The following MAGI2 variants were observed in gnomAD, a reference collection of about 807,000 sequenced individuals.
MAGI2 encodes membrane-associated guanylate kinase, WW and PDZ domain-containing protein 2.
In MAGI2, 35 loss-of-function variants were observed where a neutral mutation model predicts 133.3. The observed-to-expected ratio is 0.26, with a 90% confidence interval of 0.20 to 0.35. The LOEUF (loss-of-function observed/expected upper bound fraction) is 0.35, where lower values mean the gene tolerates loss of function less well. Ranked by LOEUF, MAGI2 falls within the 10% of genes least tolerant of loss-of-function variation. The pLI is 1.00. For missense variants in MAGI2, 1,636 were observed against 1,863.4 expected (o/e 0.88, Z 2.25); for synonymous variants, 729 against 710.6 (o/e 1.03, Z -0.41).
chr7:78,179,332 A>G (rs560986157), intron 13 of MAGI2, among the ~76,000 whole-genome samples: 109 of 152,342 alleles, frequency 7.2e-4, no homozygotes, highest in African/African-American at 2.5e-3. Flanking sequence ...ATTATACAGT[A>G]GCACTCGTTG....
chr7:78,759,553 G>A (rs2151295951), intron 2 of MAGI2, among the ~76,000 whole-genome samples: 1 of 152,160 alleles, frequency 6.6e-6, no homozygotes, highest in Middle Eastern at 3.4e-3. Flanking sequence ...TGTTAAAATG[G>A]CAAATTTAAT....
intron 5 of MAGI2, among the ~76,000 whole-genome samples, chr7:78,492,223 A>G (rs1793689189): frequency 6.6e-6 from 1 of 152,094 alleles, no homozygotes; most frequent in South Asian, 2.1e-4. Context: ...GAGTTTATAT[A>G]AAGCATTTCA....
chr7:78,470,523 G>A (rs1372529912), intron 6 of MAGI2, among the ~76,000 whole-genome samples: 1 of 152,060 alleles, frequency 6.6e-6, no homozygotes, highest in East Asian at 1.9e-4. Flanking sequence ...ATGGAGTAAA[G>A]CTAATATAAT....
At position 78,373,645 on chromosome 7, in the gene MAGI2, T is replaced by A. The variant is rs138972720; in HGVS notation, c.1046-4432A>T. 7.0e-3 allele frequency among the ~76,000 whole-genome samples: 1,072 copies of A among 152,246 alleles called. 3 individuals carry two copies. Among genetic ancestry groups the A allele is most frequent in the Middle Eastern group, 0.027 (8 of 294 alleles). On this transcript the variant is annotated intron_variant, in intron 6 of 21. Transcript: ENST00000354212. ...GTGGGGTGCATGTGCAGGTGTCTTA[T>A]CTGGGTATATTTCATGATGCTGAGG...
intron 1 of MAGI2, among the ~76,000 whole-genome samples, chr7:79,140,968 A>C (rs1475823947): frequency 6.6e-6 from 1 of 152,180 alleles, no homozygotes; most frequent in Non-Finnish European, 1.5e-5. Flanking sequence ...TAGTGCCTTA[A>C]TCAGTTTCTA....
intron 1 of MAGI2, among the ~76,000 whole-genome samples, chr7:79,298,500 T>C (rs1203995440): frequency 6.6e-6 from 1 of 152,178 alleles, no homozygotes; most frequent in African/African-American, 2.4e-5. Context: ...TAATTTATTA[T>C]AAGAAAAACA....
At chr7:78,915,707 G>T (rs1480715487) in intron 2 of MAGI2, among the ~76,000 whole-genome samples, 2 of 151,004 alleles carry the variant, frequency 1.3e-5, no homozygotes, top group African/African-American at 2.4e-5. Flanking sequence ...TCTCTTCATG[G>T]TTTCATCTTT....
chr7:78,149,564 A>G (rs1823660215), intron 16 of MAGI2, among the ~76,000 whole-genome samples: 1 of 152,196 alleles, frequency 6.6e-6, no homozygotes, highest in South Asian at 2.1e-4. Flanking sequence ...GCTATTTTTC[A>G]TCTTGCTGTT....
At chr7:79,084,126 A>C (rs1816283882) in intron 1 of MAGI2, among the ~76,000 whole-genome samples, 1 of 151,408 alleles carries the variant, frequency 6.6e-6, no homozygotes, top group Non-Finnish European at 1.5e-5. Flanking sequence ...CTTGATCTCT[A>C]TTGTTTTTCT....
intron 2 of MAGI2, among the ~76,000 whole-genome samples, chr7:78,889,234 A>C (rs1248355008): frequency 6.6e-6 from 1 of 152,244 alleles, no homozygotes; most frequent in Non-Finnish European, 1.5e-5. Context: ...CTATGTGAGA[A>C]GACCAAATCT....
At chr7:79,324,408 A>C in intron 1 of MAGI2, among the ~76,000 whole-genome samples, 1 of 142,964 alleles carries the variant, frequency 7.0e-6, no homozygotes, top group African/African-American at 2.5e-5. Flanking sequence ...ATATACACAC[A>C]ACGTATCTAT....
chr7:78,134,156 C>CA (rs1422828707), intron 17 of MAGI2: 3 of 152,204 alleles, frequency 2.0e-5, no homozygotes, highest in Non-Finnish European at 2.9e-5. Flanking sequence ...CTTGGGGGGA[C>CA]AAAACCACCC....
intron 1 of MAGI2, among the ~76,000 whole-genome samples, chr7:79,380,036 T>TAAAAACCCTAGAA (rs1843672553): frequency 1.3e-5 from 2 of 151,652 alleles, no homozygotes; most frequent in South Asian, 4.2e-4. Flanking sequence ...CCTAAAACCA[T>TAAAAACCCTAGAA]AAAAACCCTA....
At chr7:78,420,354 A>C (rs1281532999) in intron 6 of MAGI2, among the ~76,000 whole-genome samples, 1 of 152,228 alleles carries the variant, frequency 6.6e-6, no homozygotes, top group Non-Finnish European at 1.5e-5. Flanking sequence ...CAAATAGAAA[A>C]TATGTAAATT....
chr7:79,297,235 A>G (rs1837006734), intron 1 of MAGI2, among the ~76,000 whole-genome samples: 1 of 152,204 alleles, frequency 6.6e-6, no homozygotes, highest in African/African-American at 2.4e-5. Context: ...AAATGTAAAA[A>G]TGTAAAAGAT....
At chr7:78,045,813 G>A (rs958913064) in intron 21 of MAGI2, among the ~76,000 whole-genome samples, 3 of 152,124 alleles carry the variant, frequency 2.0e-5, no homozygotes, top group Non-Finnish European at 2.9e-5. Context: ...CCCATACTCC[G>A]GATGGGAGAT....
intron 2 of MAGI2, among the ~76,000 whole-genome samples, chr7:78,824,167 A>G (rs1224769964): frequency 6.6e-6 from 1 of 152,248 alleles, no homozygotes; most frequent in African/African-American, 2.4e-5. Flanking sequence ...GTGTAAATAA[A>G]TATAAAACAA....
chr7:78,593,538 T>C (rs1804269130), intron 3 of MAGI2, among the ~76,000 whole-genome samples: 1 of 152,178 alleles, frequency 6.6e-6, no homozygotes, highest in Non-Finnish European at 1.5e-5. Context: ...GAAACTCGAC[T>C]GGGCTTCTTG....
chr7:79,204,080 C>G (rs1828835331), intron 1 of MAGI2, among the ~76,000 whole-genome samples: 1 of 152,020 alleles, frequency 6.6e-6, no homozygotes, highest in African/African-American at 2.4e-5. Flanking sequence ...GAGAGAGATA[C>G]AGTTCACATG....
Sources: gnomAD v4.1 joint callset for allele counts (sites outside exome capture counted in the v4.1 genomes callset) on GRCh38, gnomAD v4.1.1 for gene constraint, MANE v1.5 for transcripts, NCBI Gene and HGNC (gene_info 2026-07-23, HGNC 2026-07-21) for gene names.